Variants in CLASP1 observed in about 807,000 individuals in gnomAD.
CLASP1 encodes the protein cytoplasmic linker associated protein 1, also known as CLIP-associating protein 1.
CLASP1 carries 38 observed loss-of-function variants against 192.3 expected under a neutral mutation model. That is an observed-to-expected ratio of 0.20 (90% CI 0.15 to 0.26). CLASP1 has a LOEUF of 0.26. Ranked by LOEUF, CLASP1 falls within the 10% of genes least tolerant of loss-of-function variation. The pLI, the probability that CLASP1 is intolerant of heterozygous loss-of-function variation, is 1.00. For missense variants in CLASP1, 1,433 were observed against 1,932.5 expected (o/e 0.74, Z 4.85); for synonymous variants, 691 against 712.8 (o/e 0.97, Z 0.49).
chr2:121,366,540 G>A (rs2067450147), intron 35 of CLASP1, among the ~76,000 whole-genome samples: 1 of 152,174 alleles, frequency 6.6e-6, no homozygotes, highest in South Asian at 2.1e-4. Context: ...CTCCAGCACA[G>A]GCCTTCTCTG....
intron 1 of CLASP1, among the ~76,000 whole-genome samples, chr2:121,647,235 G>A (rs1286162761): frequency 6.6e-6 from 1 of 152,034 alleles, no homozygotes; most frequent in Non-Finnish European, 1.5e-5. Context: ...GGGCATGGTT[G>A]TGGGTGCCTG....
chr2:121,396,176 A>G (rs2075256324), intron 30 of CLASP1, among the ~76,000 whole-genome samples: 1 of 152,230 alleles, frequency 6.6e-6, no homozygotes, highest in Non-Finnish European at 1.5e-5. Context: ...TCCTCTGAAG[A>G]TCAGGATTAT....
At chr2:121,395,279 T>A (rs1330293931) in intron 30 of CLASP1, among the ~76,000 whole-genome samples, 1 of 152,192 alleles carries the variant, frequency 6.6e-6, no homozygotes, top group Non-Finnish European at 1.5e-5. Context: ...AAGCTAAGTA[T>A]GTGGTAATTT....
chr2:121,402,977 G>A (rs72967346), intron 26 of CLASP1, among the ~76,000 whole-genome samples: 5,867 of 152,180 alleles, frequency 0.039, 160 homozygotes, highest in East Asian at 0.14. Flanking sequence ...GATTACAGGT[G>A]CCCGCCACCA....
chr2:121,474,010 C>T (rs2091219615), intron 8 of CLASP1, among the ~76,000 whole-genome samples: 1 of 152,130 alleles, frequency 6.6e-6, no homozygotes, highest in African/African-American at 2.4e-5. Flanking sequence ...AAATAAAGAA[C>T]AGTAGATACA....
chr2:121,592,942 G>T (rs1005029228), intron 2 of CLASP1, among the ~76,000 whole-genome samples: 2 of 152,106 alleles, frequency 1.3e-5, no homozygotes, highest in African/African-American at 4.8e-5. Flanking sequence ...CACCACGCCC[G>T]GCCTAATAAC....
chr2:121,403,375 T>C (rs2076418855), intron 26 of CLASP1: 1 of 456,014 alleles, frequency 2.2e-6, no homozygotes, highest in Non-Finnish European at 4.4e-6. Flanking sequence ...AATGAATGGG[T>C]GGATGGATGT....
intron 1 of CLASP1, among the ~76,000 whole-genome samples, chr2:121,639,740 G>A (rs747653248): frequency 1.3e-5 from 2 of 151,522 alleles, no homozygotes; most frequent in Non-Finnish European, 2.9e-5. Flanking sequence ...GCGCATGCCT[G>A]TAATCTCAGC....
intron 2 of CLASP1, among the ~76,000 whole-genome samples, chr2:121,556,279 C>T (rs1211896651): frequency 6.6e-6 from 1 of 152,130 alleles, no homozygotes; most frequent in East Asian, 1.9e-4. Flanking sequence ...AACCACCATG[C>T]CCAGCCACAG....
rs1371341587 is a variant in CLASP1, at chr2:121,470,122, G to A, written c.713-162C>T. ...TCCTCTAGGGTCTGGAAAGCCTTAGGTTAAGCCCAGAATGAAGCTACAAAG... is the reference window on the plus strand; with the variant it reads ...TCCTCTAGGGTCTGGAAAGCCTTAGATTAAGCCCAGAATGAAGCTACAAAG... On this transcript the variant is annotated intron_variant, in intron 8 of 39. Coordinates refer to ENST00000263710, the Ensembl canonical transcript of CLASP1. The A allele has an allele frequency of 3.5e-5, 24 of 676,668 alleles. No homozygotes were observed. The East Asian group carries it at 6.7e-4, about 19-fold the overall frequency. The allele number at this position is 676,668 out of a possible 1,614,324, so 41.9% of individuals were successfully genotyped here.
rs372544497 is a variant in CLASP1 at position 121,427,439 on chromosome 2, T to C, written c.2018-9A>G. 6.2e-6 allele frequency: 10 copies of C among 1,612,620 alleles called. No individual in the cohort carries two copies. Among genetic ancestry groups the C allele is most frequent in the African/African-American group, 2.7e-5 (2 of 74,900 alleles). On this transcript the variant is annotated splice_polypyrimidine_tract_variant and intron_variant, in intron 20 of 39. Transcript: ENST00000263710. ...ATTAGCAGATCTGGATCCTTGATTA[T>C]GAGAGCAGACCAAAGGACAGGCAAA...
chr2:121,498,965 C>G (rs2093639007), intron 8 of CLASP1, among the ~76,000 whole-genome samples: 1 of 152,192 alleles, frequency 6.6e-6, no homozygotes, highest in Non-Finnish European at 1.5e-5. Context: ...TTACAGGTTG[C>G]TGGTAAGAAC....
rs188569040 is a variant in CLASP1 at position 121,411,205 on chromosome 2, A to G, written c.2321-236T>C. Among the ~76,000 whole-genome samples, 600 of 152,334 alleles carry G rather than the reference A, an allele frequency of 3.9e-3. 3 individuals are homozygous for G. The highest frequency in any genetic ancestry group is 5.8e-3 in the Non-Finnish European group (392 of 68,028). ...TTCAAACATGGTATTTTATTATTGA[A>G]AAGTTTCTGATATGAGAGGGAAGCG... is the stretch of plus-strand genomic sequence containing the variant. On this transcript the variant is annotated intron_variant, in intron 23 of 39. Transcript: ENST00000263710.
At chr2:121,352,559 A>G (rs1211685128) in intron 37 of CLASP1, among the ~76,000 whole-genome samples, 1 of 152,238 alleles carries the variant, frequency 6.6e-6, no homozygotes, top group East Asian at 1.9e-4. Context: ...TCAGCCTCTG[A>G]GAGAAGCACA....
At position 121,503,334 on chromosome 2, in the gene CLASP1, A is replaced by C. The variant is rs2093823737; in HGVS notation, c.645-100T>G. 3 of 702,392 alleles carry C rather than the reference A, an allele frequency of 4.3e-6. No individual in the cohort carries two copies. In the South Asian group the frequency reaches 5.2e-5, roughly 12 times the overall value. The allele number at this position is 702,392 out of a possible 1,614,324, so 43.5% of individuals were successfully genotyped here. On this transcript the variant is annotated intron_variant, in intron 7 of 39. Transcript: ENST00000263710. Reference sequence around the variant, plus strand: ...AAGTTGATCCCCACTCCCCATCAAAAAAAACAATGGTACAGACCCACCTAG... The same window carrying C: ...AAGTTGATCCCCACTCCCCATCAAACAAAACAATGGTACAGACCCACCTAG...
chr2:121,605,564 G>A, intron 2 of CLASP1, 137 bp downstream of exon 2: 1 of 618,796 alleles, frequency 1.6e-6, no homozygotes, highest in South Asian at 2.0e-5. Context: ...ATAACCCAAG[G>A]CCACAATCTG....
At position 121,597,450 on chromosome 2, in the gene CLASP1, C is replaced by T. The variant is rs6707699; in HGVS notation, c.195+8251G>A. The stretch of plus-strand genomic sequence containing the variant: ...AGATTTTTAGGAAGATAAAATAGTG[C>T]ACGGAGAGAGAGATAGTGTGTATGT... On this transcript the variant is annotated intron_variant, in intron 2 of 39. Transcript: ENST00000263710. Among the ~76,000 whole-genome samples, 993 of 152,148 alleles carry T rather than the reference C, an allele frequency of 6.5e-3. 6 individuals are homozygous for T. The highest frequency in any genetic ancestry group is 0.037 in the Middle Eastern group (11 of 294).
chr2:121,569,176 T>C (rs1358546120), intron 2 of CLASP1, among the ~76,000 whole-genome samples: 2 of 152,152 alleles, frequency 1.3e-5, no homozygotes, highest in African/African-American at 4.8e-5. Flanking sequence ...TACATTCAAG[T>C]AGAAGGAATT....
At chr2:121,645,406 G>C (rs1346530057) in intron 1 of CLASP1, among the ~76,000 whole-genome samples, 1 of 152,202 alleles carries the variant, frequency 6.6e-6, no homozygotes, top group East Asian at 1.9e-4. Context: ...GTGTGACACT[G>C]ATGATCAGAA....
Sources: gnomAD v4.1 joint callset for allele counts (sites outside exome capture counted in the v4.1 genomes callset) on GRCh38, gnomAD v4.1.1 for gene constraint, MANE v1.5 for transcripts, NCBI Gene and HGNC (gene_info 2026-07-23, HGNC 2026-07-21) for gene names.